TMPRSS11E: variants seen among roughly 807,000 people sequenced by gnomAD.
The protein encoded by TMPRSS11E is transmembrane serine protease 11E.
Under a neutral mutation model 48.1 loss-of-function variants are expected in TMPRSS11E, and 38 were observed. The ratio of observed to expected loss-of-function variants is 0.79; its 90% confidence interval spans 0.61 to 1.04. TMPRSS11E has a LOEUF of 1.04. Among genes scored for constraint, TMPRSS11E ranks in the 50% least tolerant of loss-of-function variants. TMPRSS11E has a pLI of 0.00. For missense variants in TMPRSS11E, 530 were observed against 510.8 expected (o/e 1.04, Z -0.36); for synonymous variants, 158 against 171.9 (o/e 0.92, Z 0.63).
intron 5 of TMPRSS11E, among the ~76,000 whole-genome samples, chr4:68,472,636 T>C (rs1729107028): frequency 6.6e-6 from 1 of 152,002 alleles, no homozygotes. Context: ...GCTAATATAA[T>C]ATCTGATAGA....
intron 1 of TMPRSS11E, among the ~76,000 whole-genome samples, chr4:68,461,453 A>ATGGG (rs1728787520): frequency 6.6e-6 from 1 of 152,204 alleles, no homozygotes; most frequent in Admixed American, 6.5e-5. Flanking sequence ...TATCAAGTAC[A>ATGGG]TGGCTGGCTC....
chr4:68,447,927 G>GA (rs1056670449), intron 1 of TMPRSS11E, among the ~76,000 whole-genome samples: 1 of 151,222 alleles, frequency 6.6e-6, no homozygotes, highest in Non-Finnish European at 1.5e-5. Flanking sequence ...AAATAATGCA[G>GA]AAAAAAATGT....
chr4:68,465,012 T>C (rs1728889074), intron 2 of TMPRSS11E, among the ~76,000 whole-genome samples: 2 of 152,238 alleles, frequency 1.3e-5, no homozygotes, highest in Non-Finnish European at 2.9e-5. Context: ...ATGAGGCAGA[T>C]GTTAAAAAAT....
intron 4 of TMPRSS11E, 92 bp from the exon 5 acceptor site, chr4:68,471,368 C>G (rs1729060670): frequency 1.6e-6 from 1 of 608,484 alleles, no homozygotes; most frequent in Non-Finnish European, 2.4e-6. Context: ...CTCCTTTCTT[C>G]ACTTCCTCCT....
At chr4:68,467,170 T>C (rs1366390807) in intron 3 of TMPRSS11E, among the ~76,000 whole-genome samples, 1 of 152,114 alleles carries the variant, frequency 6.6e-6, no homozygotes, top group African/African-American at 2.4e-5. Flanking sequence ...TTTAAAAATA[T>C]CTAACCTTCA....
At chr4:68,450,246 G>A (rs1728458566) in intron 1 of TMPRSS11E, among the ~76,000 whole-genome samples, 1 of 151,858 alleles carries the variant, frequency 6.6e-6, no homozygotes, top group Non-Finnish European at 1.5e-5. Flanking sequence ...ACTAAGTCCT[G>A]TGTGGAAGAA....
At chr4:68,465,409 A>G (rs1560550222) in intron 2 of TMPRSS11E, among the ~76,000 whole-genome samples, 1 of 152,158 alleles carries the variant, frequency 6.6e-6, no homozygotes, top group Non-Finnish European at 1.5e-5. Context: ...CTTTTATACA[A>G]CAAAAGATTT....
intron 9 of TMPRSS11E, among the ~76,000 whole-genome samples, chr4:68,493,304 A>C (rs1729780388): frequency 6.6e-6 from 1 of 152,096 alleles, no homozygotes; most frequent in Admixed American, 6.5e-5. Context: ...TTAATCCCAG[A>C]TGTTATATAC....
intron 9 of TMPRSS11E, among the ~76,000 whole-genome samples, chr4:68,481,675 A>C (rs2708692): frequency 0.66 from 100,503 of 151,998 alleles, 33,607 homozygotes; most frequent in East Asian, 0.87. Context: ...CTGGGTCGGG[A>C]ATGGTGGCTC....
At chr4:68,454,095 A>G (rs1728565735) in intron 1 of TMPRSS11E, among the ~76,000 whole-genome samples, 1 of 151,802 alleles carries the variant, frequency 6.6e-6, no homozygotes, top group Non-Finnish European at 1.5e-5. Flanking sequence ...CTGTTATTAG[A>G]AAAAAAAGAA....
chr4:68,463,371 G>A (rs997215259), intron 2 of TMPRSS11E, among the ~76,000 whole-genome samples: 13 of 151,944 alleles, frequency 8.6e-5, no homozygotes, highest in Non-Finnish European at 1.5e-4. Context: ...GCTCGATCTC[G>A]GCTCACTGCA....
At chr4:68,467,898 A>G (rs550873883) in intron 3 of TMPRSS11E, among the ~76,000 whole-genome samples, 11 of 152,320 alleles carry the variant, frequency 7.2e-5, no homozygotes, top group Non-Finnish European at 1.5e-4. Context: ...CATTCATTCA[A>G]ATAAATTTTA....
intron 2 of TMPRSS11E, among the ~76,000 whole-genome samples, chr4:68,465,397 A>G (rs990132608): frequency 6.6e-6 from 1 of 152,134 alleles, no homozygotes; most frequent in African/African-American, 2.4e-5. Flanking sequence ...TTTTTTGCAT[A>G]ACTTTTATAC....
rs377475768 is a variant in TMPRSS11E at position 68,478,615 on chromosome 4, C to T, written c.968-234C>T. 4.0e-5 allele frequency among the ~76,000 whole-genome samples: 6 copies of T among 151,308 alleles called. No homozygotes were observed. In the East Asian group the frequency reaches 9.8e-4, roughly 25 times the overall value. ...GATTACAGGTGCATGCCACCACCCCCGGCTAATTTTTGTATTTTTAGTAGA... is the reference window on the plus strand; with the variant it reads ...GATTACAGGTGCATGCCACCACCCCTGGCTAATTTTTGTATTTTTAGTAGA... On this transcript the variant is annotated intron_variant, in intron 8 of 9. Coordinates refer to ENST00000305363, the MANE Select transcript of TMPRSS11E (RefSeq NM_014058.4).
At chr4:68,452,673 C>T (rs1266347401) in intron 1 of TMPRSS11E, among the ~76,000 whole-genome samples, 2 of 151,916 alleles carry the variant, frequency 1.3e-5, no homozygotes, top group Admixed American at 1.3e-4. Context: ...AGATAACTTA[C>T]CTTGGCTTTC....
At chr4:68,485,770 C>G (rs1157465452) in intron 9 of TMPRSS11E, among the ~76,000 whole-genome samples, 1 of 152,092 alleles carries the variant, frequency 6.6e-6, no homozygotes, top group Non-Finnish European at 1.5e-5. Flanking sequence ...CTGTGAATCT[C>G]TCTGTTCCAG....
chr4:68,481,556 T>C (rs1405629298), intron 9 of TMPRSS11E, among the ~76,000 whole-genome samples: 3 of 152,162 alleles, frequency 2.0e-5, no homozygotes, highest in African/African-American at 4.8e-5. Context: ...CCCTGATTAG[T>C]GATGTTGAGC....
chr4:68,457,393 A>T (rs1286816061), intron 1 of TMPRSS11E, among the ~76,000 whole-genome samples: 1 of 152,170 alleles, frequency 6.6e-6, no homozygotes, highest in Non-Finnish European at 1.5e-5. Flanking sequence ...AAAGTCAGGA[A>T]ACAACAGATG....
intron 9 of TMPRSS11E, among the ~76,000 whole-genome samples, chr4:68,483,504 T>G (rs948561292): frequency 2.6e-5 from 4 of 152,236 alleles, no homozygotes. Flanking sequence ...TTGATTTGTT[T>G]AAGATTTCTT....
Sources: allele counts gnomAD v4.1 joint callset (sites outside exome capture counted in the v4.1 genomes callset), GRCh38; gene constraint gnomAD v4.1.1; transcripts MANE v1.5; gene names NCBI Gene and HGNC (gene_info 2026-07-23, HGNC 2026-07-21).